EP300: variants seen among roughly 807,000 people sequenced by gnomAD.
EP300 encodes the protein EP300 lysine acetyltransferase, also known as histone acetyltransferase p300.
Under a neutral mutation model 264.0 loss-of-function variants are expected in EP300, and 31 were observed. The observed-to-expected ratio is 0.12, with a 90% CI of 0.09 to 0.16. The LOEUF (loss-of-function observed/expected upper bound fraction) is 0.16. Among genes scored for constraint, EP300 ranks in the 10% least tolerant of loss-of-function variants. The pLI, the probability that EP300 is intolerant of heterozygous loss-of-function variation, is 1.00. For missense variants in EP300, 2,766 were observed against 3,052.9 expected (o/e 0.91, Z 2.21); for synonymous variants, 1,340 against 1,045.4 (o/e 1.28, Z -5.44).
chr22:41,149,793 C>G lies in EP300; in HGVS notation c.2412C>G (p.Asn804Lys). 6.2e-7 allele frequency: 1 copy of G among 1,614,072 alleles called. No individual in the cohort carries two copies. Among genetic ancestry groups the G allele is most frequent in the African/African-American group, 1.3e-5 (1 of 75,002 alleles). ...AQMSSSSCPV[N>K]SPIMPPGSQG... ...TGTCTAGTTCTTCCTGCCCGGTGAACTCTCCTATAATGCCTCCAGGGTCTC... is the reference window on the plus strand; with the variant it reads ...TGTCTAGTTCTTCCTGCCCGGTGAAGTCTCCTATAATGCCTCCAGGGTCTC... Residue 804 changes from asparagine to lysine, a missense_variant, in exon 14 of 31, where the codon AAC (asparagine) becomes AAG (lysine). Transcript: ENST00000263253.
At position 41,106,888 on chromosome 22, in the gene EP300, G is replaced by T. The variant is rs2058760975; in HGVS notation, c.95-10299G>T. On this transcript the variant is annotated intron_variant, in intron 1 of 30. Coordinates refer to ENST00000263253, the MANE Select transcript of EP300 (RefSeq NM_001429.4). ...GATTACAGTTGTGAGCCACCTACCA[G>T]GTCTGGCCTAAAAGCATTTTTTTAT... Among the ~76,000 whole-genome samples, 3 of 152,026 alleles carry T rather than the reference G, an allele frequency of 2.0e-5. No individual in the cohort carries two copies. The South Asian group carries it at 6.2e-4, about 31-fold the overall frequency.
chr22:41,169,119 C>G (rs950636607), intron 25 of EP300: 1 of 589,484 alleles, frequency 1.7e-6, no homozygotes. Context: ...AATTTGAAAA[C>G]AAACGTACTA....
rs2145763605 is a variant in EP300, at chr22:41,168,794, G to C, written c.4099G>C (p.Asp1367His). 6.2e-7 allele frequency: 1 copy of C among 1,614,166 alleles called. No individual in the cohort carries two copies. The highest frequency in any genetic ancestry group is 8.5e-7 in the Non-Finnish European group (1 of 1,180,038). ...TKALFAFEEI[D>H]GVDLCFFGMH... ...AGCCCTCTTTGCCTTTGAAGAAATT[G>C]ATGGTGTTGACCTGTGCTTCTTTGG... is the stretch of plus-strand genomic sequence containing the variant. The change falls in exon 25 of 31, where the codon GAT becomes CAT. Residue 1367 changes from aspartate (D) to histidine (H), a missense_variant. Transcript: ENST00000263253.
chr22:41,177,776 G>C lies in EP300; in HGVS notation c.6065G>C (p.Gly2022Ala). Reference sequence around the variant, plus strand: ...GCCATGATGTCAGTGGCCCAGCATGGTCAACCTTTGAACATGGCTCCACAA... The same window carrying C: ...GCCATGATGTCAGTGGCCCAGCATGCTCAACCTTTGAACATGGCTCCACAA... ...RPAMMSVAQH[G>A]QPLNMAPQPG... is the part of the protein sequence containing the mutation. Residue 2022 changes from glycine to alanine, a missense_variant, in exon 31 of 31, where the codon GGT (glycine) becomes GCT (alanine). Gly to Ala is a moderately conservative substitution (Grantham distance 60). Transcript: ENST00000263253. 6.2e-7 allele frequency: 1 copy of C among 1,613,970 alleles called. No individual in the cohort carries two copies. Among genetic ancestry groups the C allele is most frequent in the Non-Finnish European group, 8.5e-7 (1 of 1,180,040 alleles).
intron 10 of EP300, among the ~76,000 whole-genome samples, chr22:41,145,873 G>A (rs371277462): frequency 1.3e-5 from 2 of 152,020 alleles, no homozygotes; most frequent in African/African-American, 4.8e-5. Flanking sequence ...CTGACCTCGT[G>A]ATCCGCCCGC....
intron 23 of EP300, chr22:41,168,086 T>G (rs2059150471): frequency 3.0e-6 from 1 of 330,866 alleles, no homozygotes; most frequent in South Asian, 2.5e-5. Flanking sequence ...CCTCCCAAAG[T>G]GCTGGGATTA....
At chr22:41,152,103 A>G in intron 15 of EP300, 91 bp downstream of exon 15, 2 of 1,587,706 alleles carry the variant, frequency 1.3e-6, no homozygotes, top group Non-Finnish European at 1.7e-6. Context: ...TATTTTGATA[A>G]TTAGATCTCA....
chr22:41,137,828 A>C, intron 8 of EP300, 38 bp downstream of exon 8: 1 of 1,613,810 alleles, frequency 6.2e-7, no homozygotes, highest in Non-Finnish European at 8.5e-7. Context: ...TCGTAAAGAG[A>C]TGTTACGTCA....
At position 41,127,734 on chromosome 22, in the gene EP300, G is replaced by C; in HGVS notation, c.1154G>C (p.Gly385Ala). Residue 385 changes from glycine to alanine, a missense_variant, in exon 4 of 31, where the codon GGC becomes GCC. Transcript: ENST00000263253. The part of the protein sequence containing the change: ...VLNHMTHCQS[G>A]KSCQVAHCAS... ...AACCACATGACACACTGCCAGTCAG[G>C]CAAGTCTTGCCAAGGTAAGTGGACC... 1 of 1,614,230 alleles carries C rather than the reference G, an allele frequency of 6.2e-7. No individual in the cohort carries two copies. Among genetic ancestry groups the C allele is most frequent in the Non-Finnish European group, 8.5e-7 (1 of 1,180,050 alleles).
chr22:41,104,314 G>A (rs1601590122), intron 1 of EP300, among the ~76,000 whole-genome samples: 1 of 151,214 alleles, frequency 6.6e-6, no homozygotes, highest in African/African-American at 2.4e-5. Context: ...TTTTCATACA[G>A]AGTCTTGCTC....
intron 27 of EP300, among the ~76,000 whole-genome samples, chr22:41,171,146 A>G (rs1457876588): frequency 7.1e-6 from 1 of 140,368 alleles, no homozygotes; most frequent in Admixed American, 7.4e-5. Context: ...ATTTTATTTT[A>G]TTTATTTTTG....
At chr22:41,149,204 ATTTTT>A in intron 13 of EP300, 29 bp downstream of exon 13, 2 of 1,613,926 alleles carry the variant, frequency 1.2e-6, no homozygotes, top group Non-Finnish European at 1.7e-6. Flanking sequence ...TTTTTCACTT[ATTTTT>A]GATTCTTGAA....
chr22:41,108,697 T>C (rs2058771910), intron 1 of EP300, among the ~76,000 whole-genome samples: 1 of 152,116 alleles, frequency 6.6e-6, no homozygotes, highest in South Asian at 2.1e-4. Context: ...GAAAGTGATG[T>C]TTGTATTGGA....
chr22:41,151,560 C>T (rs2059045648), intron 14 of EP300, among the ~76,000 whole-genome samples: 1 of 152,136 alleles, frequency 6.6e-6, no homozygotes, highest in South Asian at 2.1e-4. Context: ...TTTGAAATCC[C>T]CACACACTGC....
chr22:41,134,898 TTTTC>T (rs58117147), intron 6 of EP300, among the ~76,000 whole-genome samples: 19 of 151,646 alleles, frequency 1.3e-4, no homozygotes, highest in South Asian at 2.1e-4. Context: ...AGCATTGCTT[TTTTC>T]TTTCTTTCTT....
At chr22:41,176,161 AGT>A in intron 29 of EP300, 84 bp from the exon 30 acceptor site, 1 of 1,502,088 alleles carries the variant, frequency 6.7e-7, no homozygotes, top group Admixed American at 1.7e-5. Context: ...CAGAGGTTGT[AGT>A]GAGCCAAGAT....
chr22:41,093,565 G>A (rs564307178), intron 1 of EP300, among the ~76,000 whole-genome samples: 3 of 152,302 alleles, frequency 2.0e-5, no homozygotes, highest in Non-Finnish European at 4.4e-5. Flanking sequence ...TTGAGGAATA[G>A]GGTGTAAAAA....
At chr22:41,134,968 C>T (rs562882144) in intron 6 of EP300, among the ~76,000 whole-genome samples, 11 of 152,050 alleles carry the variant, frequency 7.2e-5, no homozygotes, top group South Asian at 2.1e-4. Flanking sequence ...AGTGTAGTGG[C>T]GCCATCTCGG....
intron 27 of EP300, among the ~76,000 whole-genome samples, chr22:41,171,377 C>T (rs1488453097): frequency 6.6e-6 from 1 of 152,102 alleles, no homozygotes; most frequent in Non-Finnish European, 1.5e-5. Context: ...CTCTCTGTCA[C>T]CCAGGCTAGG....
Sources: gnomAD v4.1 joint callset for allele counts (sites outside exome capture counted in the v4.1 genomes callset) on GRCh38, gnomAD v4.1.1 for gene constraint, MANE v1.5 for transcripts, NCBI Gene and HGNC (gene_info 2026-07-23, HGNC 2026-07-21) for gene names.